The following OSBPL5 variants were observed in gnomAD, a reference collection of about 807,000 sequenced individuals.
The protein encoded by OSBPL5 is oxysterol-binding protein-related protein 5.
In OSBPL5, 71 loss-of-function variants were observed where a neutral mutation model predicts 111.2. The ratio of observed to expected loss-of-function variants is 0.64; its 90% CI spans 0.53 to 0.78. The LOEUF (loss-of-function observed/expected upper bound fraction) is 0.78, where lower values mean the gene tolerates loss of function less well. OSBPL5 is among the 30% of genes least tolerant of loss of function. The pLI, the probability that OSBPL5 is intolerant of heterozygous loss-of-function variation, is 0.00. For missense variants in OSBPL5, 1,210 were observed against 1,189.3 expected, an observed-to-expected ratio of 1.02 and a Z score of -0.26; for synonymous variants, 549 against 513.9, an observed-to-expected ratio of 1.07 and a Z score of -0.93.
intron 1 of OSBPL5, among the ~76,000 whole-genome samples, chr11:3,145,259 C>A (rs934405605): frequency 6.6e-6 from 1 of 152,196 alleles, no homozygotes. Flanking sequence ...GATGAACCTC[C>A]CCCAGGGCTC....
chr11:3,157,594 G>A (rs1348688492), intron 1 of OSBPL5, among the ~76,000 whole-genome samples: 1 of 152,252 alleles, frequency 6.6e-6, no homozygotes, highest in African/African-American at 2.4e-5. Context: ...CTCAGCAGGT[G>A]GGCGCCACAA....
intron 1 of OSBPL5, among the ~76,000 whole-genome samples, chr11:3,152,890 G>T (rs1217003775): frequency 1.3e-5 from 2 of 152,122 alleles, no homozygotes; most frequent in Non-Finnish European, 2.9e-5. Flanking sequence ...TGCCTCGCTG[G>T]TACTTCCCGG....
At chr11:3,103,373 C>T in intron 10 of OSBPL5, 53 bp from the exon 11 acceptor site, 2 of 1,492,260 alleles carry the variant, frequency 1.3e-6, no homozygotes, top group Non-Finnish European at 1.8e-6. Context: ...GTGGGCCACC[C>T]TCCCTTTCCC....
At chr11:3,119,816 GGGGAGCTCTGTCCCCTTTCTTAGCT>G (rs1301916709) in intron 6 of OSBPL5, 185 bp from the exon 7 acceptor site, 1 of 542,576 alleles carries the variant, frequency 1.8e-6, no homozygotes, top group Non-Finnish European at 3.2e-6. Flanking sequence ...CGGGTAGGTG[GGGGAGCTCTGTCCCCTTTCTTAGCT>G]GGCAGCTCTG....
At chr11:3,101,461 C>T in intron 13 of OSBPL5, 142 bp downstream of exon 13, 3 of 775,546 alleles carry the variant, frequency 3.9e-6, no homozygotes, top group African/African-American at 1.7e-5. Flanking sequence ...AGCACCTGAC[C>T]ACCACATGGT....
intron 1 of OSBPL5, among the ~76,000 whole-genome samples, chr11:3,150,657 G>A (rs369442005): frequency 2.6e-5 from 4 of 152,170 alleles, no homozygotes; most frequent in African/African-American, 4.8e-5. Context: ...TCCCTTCCCC[G>A]GGGTCTCCCC....
rs760070062 is a variant in OSBPL5, at chr11:3,119,639, G to T, written c.607-8C>A. 1.3e-6 allele frequency: 2 copies of T among 1,579,884 alleles called. No individual in the cohort carries two copies. Among genetic ancestry groups the T allele is most frequent in the East Asian group, 2.4e-5 (1 of 41,050 alleles). On this transcript the variant is annotated splice_region_variant and splice_polypyrimidine_tract_variant and intron_variant, in intron 6 of 21. Transcript: ENST00000263650. Reference sequence around the variant, plus strand: ...GCTCTCACCTTTGGGGCCCTGGAGAGAGAGAGATCTGGGTGTCACCCGAGG... The same window carrying T: ...GCTCTCACCTTTGGGGCCCTGGAGATAGAGAGATCTGGGTGTCACCCGAGG...
chr11:3,093,819 C>T lies in OSBPL5; in HGVS notation c.1736G>A (p.Ser579Asn). Reference protein sequence around the residue: ...EFKLKPFFGGSTSINQISGKI... With the variant: ...EFKLKPFFGGNTSINQISGKI... ...TCCCGAGATCTGGTTGATGCTGGTG[C>T]TACCCCCGAAGAAGGGCTGCGGGGC... Residue 579 changes from serine to asparagine, a missense_variant, in exon 16 of 22, where the codon AGC (serine) becomes AAC (asparagine). Coordinates refer to ENST00000263650, the MANE Select transcript of OSBPL5 (RefSeq NM_020896.4). 6.2e-7 allele frequency: 1 copy of T among 1,612,378 alleles called. No homozygotes were observed. The highest frequency in any genetic ancestry group is 2.2e-5 in the East Asian group (1 of 44,856).
chr11:3,089,281 G>A (rs944040220), intron 21 of OSBPL5, among the ~76,000 whole-genome samples: 1 of 152,214 alleles, frequency 6.6e-6, no homozygotes, highest in Non-Finnish European at 1.5e-5. Flanking sequence ...GACAGCCAAG[G>A]TCCCACAGCC....
intron 7 of OSBPL5, among the ~76,000 whole-genome samples, chr11:3,108,922 C>T (rs1055638839): frequency 1.3e-5 from 2 of 151,816 alleles, no homozygotes; most frequent in African/African-American, 2.4e-5. Flanking sequence ...GCATGCACCA[C>T]CACACCCGGC....
intron 20 of OSBPL5, 128 bp downstream of exon 20, chr11:3,090,430 A>T: frequency 7.7e-7 from 1 of 1,297,412 alleles, no homozygotes; most frequent in Non-Finnish European, 1.1e-6. Flanking sequence ...TCAGGGCAGC[A>T]GAGGAGCTTT....
chr11:3,131,633 A>G, intron 1 of OSBPL5, among the ~76,000 whole-genome samples: 1 of 142,248 alleles, frequency 7.0e-6, no homozygotes, highest in Non-Finnish European at 1.5e-5. Context: ...CTATTCATCC[A>G]CCCGTCTATT....
intron 1 of OSBPL5, among the ~76,000 whole-genome samples, chr11:3,131,825 C>CCA (rs1564850277): frequency 6.0e-4 from 90 of 149,834 alleles, no homozygotes; most frequent in African/African-American, 2.1e-3. Flanking sequence ...ATCCATCCAT[C>CCA]TACCCACTCA....
rs1846171324 is a variant in OSBPL5, at chr11:3,142,853, G to T, written c.-21-13684C>A. On this transcript the variant is annotated intron_variant, in intron 1 of 21. Coordinates refer to ENST00000263650, the MANE Select transcript of OSBPL5 (RefSeq NM_020896.4). This position sits in a 1 kb window ranked among gnomAD's most constrained non-coding sequence, Gnocchi z 7.1. The stretch of plus-strand genomic sequence containing the variant: ...TGACTGCCCACTCCTTGCACACAAG[G>T]AAACAGTGAGACCAGAGGAAAAGGA... Among the ~76,000 whole-genome samples, 1 of 151,902 alleles carries T rather than the reference G, an allele frequency of 6.6e-6. No individual in the cohort carries two copies. The highest frequency in any genetic ancestry group is 2.4e-5 in the African/African-American group (1 of 41,338).
At chr11:3,098,245 A>G (rs1379804259) in intron 14 of OSBPL5, among the ~76,000 whole-genome samples, 1 of 151,832 alleles carries the variant, frequency 6.6e-6, no homozygotes, top group Non-Finnish European at 1.5e-5. Flanking sequence ...ATGCAAAGAG[A>G]TAAGAGATAC....
intron 1 of OSBPL5, among the ~76,000 whole-genome samples, chr11:3,155,740 G>A (rs1846739999): frequency 6.6e-6 from 1 of 152,270 alleles, no homozygotes; most frequent in Non-Finnish European, 1.5e-5. Flanking sequence ...TACGCCGACA[G>A]TTCACTTCCA....
In OSBPL5 at chr11:3,130,735, C is replaced by A. The variant is rs939460248; in HGVS notation, c.-21-1566G>T. 1.1e-4 allele frequency among the ~76,000 whole-genome samples: 16 copies of A among 152,238 alleles called. No homozygotes were observed. Among genetic ancestry groups the A allele is most frequent in the African/African-American group, 3.9e-4 (16 of 41,458 alleles). On this transcript the variant is annotated intron_variant, in intron 1 of 21. Transcript: ENST00000263650. This position sits in a 1 kb window ranked among gnomAD's most constrained non-coding sequence, Gnocchi z 4.5. ...GCCAGGTGGAACCGATCCTAAAACC[C>A]AGCCGCTGAGTGTCTGCCCACTCAG...
chr11:3,128,380 G>T (rs1858708657), intron 2 of OSBPL5, among the ~76,000 whole-genome samples: 1 of 152,220 alleles, frequency 6.6e-6, no homozygotes, highest in Non-Finnish European at 1.5e-5. Flanking sequence ...GGGGAGGAAG[G>T]GCTGGGTTTT....
chr11:3,139,573 C>T (rs144684300), intron 1 of OSBPL5, among the ~76,000 whole-genome samples: 2,150 of 152,296 alleles, frequency 0.014, 21 homozygotes, highest in Middle Eastern at 0.041. Flanking sequence ...CAGCCCTGCC[C>T]GCAGGAGTTT....
Sources: gnomAD v4.1 joint callset for allele counts (sites outside exome capture counted in the v4.1 genomes callset) on GRCh38, gnomAD v4.1.1 for gene constraint, Gnocchi (gnomAD v3.1) non-coding constraint, MANE v1.5 for transcripts, NCBI Gene and HGNC (gene_info 2026-07-23, HGNC 2026-07-21) for gene names.